The following LINGO2 variants were observed in gnomAD, a reference collection of about 807,000 sequenced individuals.
The protein encoded by LINGO2 is leucine rich repeat and Ig domain containing 2.
In LINGO2, 14 loss-of-function variants were observed where a neutral mutation model predicts 30.6. That is an observed-to-expected ratio of 0.46 (90% CI 0.30 to 0.72). The LOEUF (loss-of-function observed/expected upper bound fraction) is 0.72, where lower values mean the gene tolerates loss of function less well. Among genes scored for constraint, LINGO2 ranks in the 30% least tolerant of loss-of-function variants. The probability of loss-of-function intolerance (pLI) is 0.07; values close to 1 mark genes in which losing one functional copy is unlikely to be tolerated. For synonymous variants in LINGO2, 317 were observed against 288.5 expected (o/e 1.10, Z -1.00); for missense variants, 729 against 751.7 (o/e 0.97, Z 0.35).
At chr9:28,618,072 C>T (rs560445315) in intron 1 of LINGO2, among the ~76,000 whole-genome samples, 4 of 152,182 alleles carry the variant, frequency 2.6e-5, no homozygotes, top group South Asian at 2.1e-4. Context: ...TTAGCAGCAA[C>T]GCAGGAGCTC....
At chr9:28,508,961 C>T (rs1361137401) in intron 1 of LINGO2, among the ~76,000 whole-genome samples, 1 of 151,980 alleles carries the variant, frequency 6.6e-6, no homozygotes. Flanking sequence ...GCATGCCATA[C>T]TACATGCATA....
intron 4 of LINGO2, among the ~76,000 whole-genome samples, chr9:28,226,128 T>G (rs1172617074): frequency 6.6e-6 from 1 of 152,218 alleles, no homozygotes; most frequent in Non-Finnish European, 1.5e-5. Flanking sequence ...TCCACTGGAA[T>G]GCATTCTGAA....
At chr9:28,415,458 C>T (rs1175303862) in intron 2 of LINGO2, among the ~76,000 whole-genome samples, 1 of 152,158 alleles carries the variant, frequency 6.6e-6, no homozygotes, top group East Asian at 1.9e-4. Context: ...TTTACTGCAG[C>T]GTGCAAGGTC....
the LINGO2 span, among the ~76,000 whole-genome samples, chr9:28,684,789 G>C: frequency 6.6e-6 from 1 of 152,124 alleles, no homozygotes; most frequent in African/African-American, 2.4e-5. Context: ...AAAGTGCTGG[G>C]ATTAAAGGCA....
At chr9:28,273,210 A>G (rs1736964657) in intron 4 of LINGO2, among the ~76,000 whole-genome samples, 3 of 152,190 alleles carry the variant, frequency 2.0e-5, no homozygotes, top group African/African-American at 7.2e-5. Flanking sequence ...CTTGTTCCTT[A>G]GAAGAGATTC....
rs534095376 is a variant in LINGO2, at chr9:28,570,484, T to A, written c.-364-94459A>T. ...TATCTGTCTATGCGATAAAAAAATT[T>A]TACTTGGGGGAAATTTATTTTGGTA... On this transcript the variant is annotated intron_variant, in intron 1 of 5. Coordinates refer to ENST00000379992, the Ensembl canonical transcript of LINGO2. 5.9e-5 allele frequency among the ~76,000 whole-genome samples: 9 copies of A among 151,998 alleles called. 1 individual carries two copies. The highest frequency in any genetic ancestry group is 2.2e-4 in the African/African-American group (9 of 41,518).
intron 1 of LINGO2, among the ~76,000 whole-genome samples, chr9:28,643,304 C>G (rs886661852): frequency 6.6e-6 from 1 of 151,814 alleles, no homozygotes; most frequent in Admixed American, 6.6e-5. Context: ...CAGAGCTGTA[C>G]TTAACCAAAA....
At chr9:28,770,199 G>C in the LINGO2 span, among the ~76,000 whole-genome samples, 1 of 152,148 alleles carries the variant, frequency 6.6e-6, no homozygotes, top group African/African-American at 2.4e-5. Context: ...AAACATTCCA[G>C]TCCCTTTAGA....
chr9:28,886,355 T>C, the LINGO2 span, among the ~76,000 whole-genome samples: 2 of 152,074 alleles, frequency 1.3e-5, no homozygotes, highest in African/African-American at 4.8e-5. Context: ...AAACAAGCTT[T>C]TATGGAAGGT....
the LINGO2 span, among the ~76,000 whole-genome samples, chr9:29,174,867 T>A: frequency 6.6e-6 from 1 of 152,184 alleles, no homozygotes; most frequent in Non-Finnish European, 1.5e-5. Flanking sequence ...TAGTATATTT[T>A]AAAAATCTAA....
At chr9:28,522,223 G>T (rs1011644574) in intron 1 of LINGO2, among the ~76,000 whole-genome samples, 16 of 152,150 alleles carry the variant, frequency 1.1e-4, no homozygotes, top group Non-Finnish European at 1.5e-4. Flanking sequence ...TTTAGAAAAA[G>T]GTGATCTCAC....
the LINGO2 span, among the ~76,000 whole-genome samples, chr9:29,139,886 A>G: frequency 6.6e-6 from 1 of 152,104 alleles, no homozygotes; most frequent in Non-Finnish European, 1.5e-5. Context: ...AGAACAAAAA[A>G]GCTGAGCAGC....
chr9:28,785,186 T>G, the LINGO2 span, among the ~76,000 whole-genome samples: 2 of 152,176 alleles, frequency 1.3e-5, no homozygotes, highest in Non-Finnish European at 2.9e-5. Context: ...TAGTTTTGTA[T>G]TAATAAGTAG....
chr9:29,176,129 A>G, the LINGO2 span, among the ~76,000 whole-genome samples: 1 of 152,146 alleles, frequency 6.6e-6, no homozygotes, highest in African/African-American at 2.4e-5. Flanking sequence ...ATATTATCAC[A>G]TTTCATATTC....
intron 1 of LINGO2, among the ~76,000 whole-genome samples, chr9:28,485,633 A>C (rs1416736979): frequency 6.6e-6 from 1 of 152,088 alleles, no homozygotes; most frequent in East Asian, 1.9e-4. Context: ...AAGATAAAGC[A>C]TATTTCTTGA....
upstream of LINGO2, among the ~76,000 whole-genome samples, chr9:28,671,006 T>A (rs1828987279): frequency 6.6e-6 from 1 of 152,178 alleles, no homozygotes; most frequent in Non-Finnish European, 1.5e-5. Flanking sequence ...TTTTCTCCCA[T>A]CTACTTGATA....
At chr9:28,706,893 C>T in the LINGO2 span, among the ~76,000 whole-genome samples, 43 of 151,966 alleles carry the variant, frequency 2.8e-4, no homozygotes, top group Admixed American at 2.8e-3. Context: ...GTAAATGTTC[C>T]TTTATCTAAA....
rs757491087 is a variant in LINGO2 at position 27,948,849 on chromosome 9, C to T, written c.*2G>A. On this transcript the variant is annotated 3_prime_UTR_variant, in exon 6 of 6. Coordinates refer to ENST00000379992, the Ensembl canonical transcript of LINGO2. ...AGAGACAGTAATGTGAGGGGTGGGC[C>T]TTCAAATCATTTTCATGTTGAACCT... The T allele has an allele frequency of 2.5e-6, 4 of 1,603,510 alleles. No homozygotes were observed. The Admixed American group carries it at 6.8e-5, about 27-fold the overall frequency.
At chr9:28,612,071 CTTT>C (rs1825943160) in intron 1 of LINGO2, among the ~76,000 whole-genome samples, 1 of 151,760 alleles carries the variant, frequency 6.6e-6, no homozygotes, top group Non-Finnish European at 1.5e-5. Flanking sequence ...GCCTGGGCTT[CTTT>C]TTTATTTTTA....
Sources: allele counts gnomAD v4.1 joint callset (sites outside exome capture counted in the v4.1 genomes callset), GRCh38; gene constraint gnomAD v4.1.1; transcripts MANE v1.5; gene names NCBI Gene and HGNC (gene_info 2026-07-23, HGNC 2026-07-21).